Variants in DLG2 observed in about 807,000 individuals in gnomAD.
DLG2 encodes disks large homolog 2.
Under a neutral mutation model 132.5 loss-of-function variants are expected in DLG2, and 45 were observed. The observed-to-expected ratio is 0.34, with a 90% CI of 0.27 to 0.44. The LOEUF (loss-of-function observed/expected upper bound fraction) is 0.44. Ranked by LOEUF, DLG2 falls within the 20% of genes least tolerant of loss-of-function variation. The probability of loss-of-function intolerance (pLI) is 1.00; values close to 1 mark genes in which losing one functional copy is unlikely to be tolerated. For missense variants in DLG2, 1,045 were observed against 1,196.9 expected (o/e 0.87, Z 1.87); for synonymous variants, 424 against 419.6 (o/e 1.01, Z -0.13).
intron 7 of DLG2, among the ~76,000 whole-genome samples, chr11:84,316,206 C>A (rs2098352893): frequency 1.3e-5 from 2 of 152,124 alleles, no homozygotes; most frequent in Admixed American, 6.5e-5. Flanking sequence ...TTGATATAAA[C>A]TTATTGCTTC....
At chr11:83,880,147 C>T (rs1325901387) in intron 15 of DLG2, among the ~76,000 whole-genome samples, 2 of 152,028 alleles carry the variant, frequency 1.3e-5, no homozygotes, top group Non-Finnish European at 2.9e-5. Flanking sequence ...GAATACCCTG[C>T]CAAGGTCTGG....
chr11:84,839,317 C>A (rs1276870329), intron 6 of DLG2, among the ~76,000 whole-genome samples: 1 of 152,082 alleles, frequency 6.6e-6, no homozygotes, highest in Non-Finnish European at 1.5e-5. Context: ...AGGAGAACTA[C>A]AAACCACTGC....
chr11:84,720,211 G>A (rs2061652181), intron 6 of DLG2: 2 of 950,958 alleles, frequency 2.1e-6, no homozygotes, highest in Middle Eastern at 5.4e-4. Flanking sequence ...TCTCCCAACA[G>A]GCAGACATAA....
chr11:84,857,791 G>C (rs919513295), intron 6 of DLG2, among the ~76,000 whole-genome samples: 1 of 151,920 alleles, frequency 6.6e-6, no homozygotes, highest in Non-Finnish European at 1.5e-5. Context: ...AAGATCTTTG[G>C]CCTGTTGTTT....
chr11:84,817,602 G>C (rs760141944), intron 6 of DLG2, among the ~76,000 whole-genome samples: 49 of 152,126 alleles, frequency 3.2e-4, no homozygotes, highest in Admixed American at 7.2e-4. Context: ...CCAGCCACCT[G>C]CAGCTTATGA....
At chr11:85,222,400 T>C (rs940044836) in intron 4 of DLG2, among the ~76,000 whole-genome samples, 1 of 152,146 alleles carries the variant, frequency 6.6e-6, no homozygotes, top group Non-Finnish European at 1.5e-5. Flanking sequence ...CAATGAGCAT[T>C]AATGGTGAAA....
chr11:83,519,933 C>A (rs2140381744), intron 21 of DLG2, among the ~76,000 whole-genome samples: 1 of 152,308 alleles, frequency 6.6e-6, no homozygotes, highest in African/African-American at 2.4e-5. Flanking sequence ...CAGAATCCTT[C>A]TCTATGAATA....
intron 6 of DLG2, among the ~76,000 whole-genome samples, chr11:85,069,072 A>G (rs1225518450): frequency 6.6e-6 from 1 of 151,754 alleles, no homozygotes; most frequent in Non-Finnish European, 1.5e-5. Flanking sequence ...TATTTAATAA[A>G]TGGTGCTTGG....
chr11:84,055,788 A>G (rs2096488130), intron 11 of DLG2, among the ~76,000 whole-genome samples: 1 of 152,082 alleles, frequency 6.6e-6, no homozygotes. Flanking sequence ...CCCAATTTAT[A>G]TTATAGGTGT....
In DLG2 at chr11:84,582,402, T is replaced by TTTAAGTTAAAATACATATATA. The variant is rs900076028; in HGVS notation, c.358-47692_358-47672dup. 7.4e-5 allele frequency among the ~76,000 whole-genome samples: 11 copies of TTTAAGTTAAAATACATATATA among 149,130 alleles called. 1 individual carries two copies. The East Asian group carries it at 2.1e-3, about 29-fold the overall frequency. On this transcript the variant is annotated intron_variant, in intron 6 of 27. Coordinates refer to ENST00000376104, the MANE Select transcript of DLG2 (RefSeq NM_001142699.3). ...TATATATATATTTAGGGAAAACTCTTTTAAGTTAAAATACATATATATTAA... is the reference window on the plus strand; with the variant it reads ...TATATATATATTTAGGGAAAACTCTTTTAAGTTAAAATACATATATATTAAGTTAAAATACATATATATTAA...
intron 5 of DLG2, among the ~76,000 whole-genome samples, chr11:85,127,552 T>C (rs1222459902): frequency 6.6e-6 from 1 of 152,186 alleles, no homozygotes; most frequent in Non-Finnish European, 1.5e-5. Context: ...TGAGAACAGA[T>C]TGCCTGTTGT....
intron 3 of DLG2, among the ~76,000 whole-genome samples, chr11:85,524,121 G>A (rs909638118): frequency 1.3e-5 from 2 of 152,098 alleles, no homozygotes; most frequent in Non-Finnish European, 2.9e-5. Context: ...TTAAAGTAGG[G>A]ATGATTAATG....
Position 83,894,606 on chromosome 11 carries a change from T to G in DLG2, c.1497-20118A>C, listed in dbSNP as rs986249905. ...TGTGCAATAATCACATCAGGGTAAC[T>G]GGGATATCTATCGCCTCAACCATTT... On this transcript the variant is annotated intron_variant, in intron 15 of 27. Transcript: ENST00000376104. Among the ~76,000 whole-genome samples, 3 of 152,310 alleles carry G rather than the reference T, an allele frequency of 2.0e-5. No homozygotes were observed. In the South Asian group the frequency reaches 6.2e-4, roughly 32 times the overall value.
chr11:83,783,876 A>T, intron 18 of DLG2, among the ~76,000 whole-genome samples: 1 of 152,136 alleles, frequency 6.6e-6, no homozygotes, highest in East Asian at 1.9e-4. Context: ...TGCTGCTAAG[A>T]TCATTCAATC....
intron 3 of DLG2, among the ~76,000 whole-genome samples, chr11:85,392,482 A>G (rs1410477594): frequency 1.3e-5 from 2 of 152,080 alleles, no homozygotes; most frequent in Admixed American, 1.3e-4. Context: ...GCATAGCCAA[A>G]GCAAGACTAA....
intron 14 of DLG2, among the ~76,000 whole-genome samples, chr11:83,936,328 C>T (rs1352720967): frequency 6.6e-6 from 1 of 152,150 alleles, no homozygotes; most frequent in Non-Finnish European, 1.5e-5. Context: ...GGTTGATGAC[C>T]ACTTTCTCTG....
At chr11:84,461,882 C>A (rs933746533) in intron 7 of DLG2, among the ~76,000 whole-genome samples, 19 of 150,624 alleles carry the variant, frequency 1.3e-4, no homozygotes, top group African/African-American at 4.6e-4. Context: ...TGGCACAACA[C>A]TTGCCACATA....
At chr11:84,193,610 C>A (rs868450102) in intron 8 of DLG2, among the ~76,000 whole-genome samples, 1 of 152,156 alleles carries the variant, frequency 6.6e-6, no homozygotes, top group Admixed American at 6.5e-5. Context: ...TTTGATTAAA[C>A]CTCATATTTG....
chr11:85,130,890 C>T (rs1024227594), intron 5 of DLG2, among the ~76,000 whole-genome samples: 4 of 152,094 alleles, frequency 2.6e-5, no homozygotes, highest in African/African-American at 4.8e-5. Context: ...CTATGTCCAG[C>T]TTTTGAAGCA....
Sources: allele counts gnomAD v4.1 joint callset (sites outside exome capture counted in the v4.1 genomes callset), GRCh38; gene constraint gnomAD v4.1.1; transcripts MANE v1.5; gene names NCBI Gene and HGNC (gene_info 2026-07-23, HGNC 2026-07-21).